The following GCNT2 variants were observed in gnomAD, a reference collection of about 807,000 sequenced individuals.
GCNT2 encodes glucosaminyl (N-acetyl) transferase 2 (I blood group).
A neutral mutation model predicts 34.2 loss-of-function variants in GCNT2; 34 were observed. That is an observed-to-expected ratio of 1.00 (90% CI 0.76 to 1.32). GCNT2 has a LOEUF of 1.32. Among genes scored for constraint, GCNT2 ranks in the 40% most tolerant of loss-of-function variants. The pLI, the probability that GCNT2 is intolerant of heterozygous loss-of-function variation, is 0.00. For missense variants in GCNT2, 584 were observed against 489.4 expected (o/e 1.19, Z -1.82); for synonymous variants, 212 against 188.0 (o/e 1.13, Z -1.04).
intron 3 of GCNT2, among the ~76,000 whole-genome samples, chr6:10,585,359 A>G (rs890788170): frequency 6.6e-6 from 1 of 151,910 alleles, no homozygotes; most frequent in Admixed American, 6.6e-5. Flanking sequence ...TTCATTTTTC[A>G]TTATCTGTGT....
rs747051358 is a variant in GCNT2, at chr6:10,556,819, T to C, written c.925+26983T>C. On this transcript the variant is annotated intron_variant, in intron 3 of 4. Transcript: ENST00000495262. ...TTCATGTGGATGAAAAAGCAACAAC[T>C]GAATTTAAAGATGCGGTAGAGCAAC... The C allele has an allele frequency of 3.1e-5, 50 of 1,614,086 alleles. No homozygotes were observed. Among genetic ancestry groups the C allele is most frequent in the Middle Eastern group, 1.6e-4 (1 of 6,084 alleles).
intron 3 of GCNT2, among the ~76,000 whole-genome samples, chr6:10,577,864 G>A (rs1763890574): frequency 2.0e-5 from 3 of 152,036 alleles, no homozygotes; most frequent in South Asian, 2.1e-4. Flanking sequence ...TAAAGCAAAC[G>A]CCAGGTCATT....
intron 3 of GCNT2, among the ~76,000 whole-genome samples, chr6:10,550,136 C>G (rs1762422551): frequency 6.6e-6 from 1 of 152,134 alleles, no homozygotes; most frequent in Non-Finnish European, 1.5e-5. Flanking sequence ...TCACTGAAAC[C>G]TCTGCTTCCC....
chr6:10,561,854 C>T lies in GCNT2; in HGVS notation c.925+32018C>T, dbSNP rs542415824. Among the ~76,000 whole-genome samples the T allele has an allele frequency of 2.0e-5, 3 of 151,544 alleles. No individual in the cohort carries two copies. The South Asian group carries it at 6.3e-4, about 32-fold the overall frequency. ...TCAGGGCCCTTTTGTCAAATTCTCTCAACCTCAGAAGGGATCACATGATCC... is the reference window on the plus strand; with the variant it reads ...TCAGGGCCCTTTTGTCAAATTCTCTTAACCTCAGAAGGGATCACATGATCC... On this transcript the variant is annotated intron_variant, in intron 3 of 4. Transcript: ENST00000495262.
intron 1 of GCNT2, among the ~76,000 whole-genome samples, chr6:10,526,748 A>G (rs1023122095): frequency 1.3e-5 from 2 of 152,160 alleles, no homozygotes; most frequent in African/African-American, 4.8e-5. Context: ...TCCTATAGGC[A>G]AGAGGTAAAT....
intron 3 of GCNT2, among the ~76,000 whole-genome samples, chr6:10,545,196 G>A (rs374261517): frequency 5.9e-5 from 9 of 151,664 alleles, no homozygotes; most frequent in African/African-American, 1.5e-4. Context: ...GCTCTTGCAC[G>A]GTGAGCTGAA....
intron 3 of GCNT2, among the ~76,000 whole-genome samples, chr6:10,603,983 C>CCA (rs1765201395): frequency 6.6e-6 from 1 of 151,926 alleles, no homozygotes; most frequent in Non-Finnish European, 1.5e-5. Context: ...GCAACCTCCG[C>CCA]CGCCCCGGTT....
chr6:10,555,295 G>C (rs991265683), intron 3 of GCNT2, among the ~76,000 whole-genome samples: 3 of 152,240 alleles, frequency 2.0e-5, no homozygotes, highest in East Asian at 1.9e-4. Flanking sequence ...TGGGAAAGTG[G>C]AAAGTTGAAG....
chr6:10,590,577 T>C (rs1231761722), intron 3 of GCNT2, among the ~76,000 whole-genome samples: 1 of 149,430 alleles, frequency 6.7e-6, no homozygotes, highest in East Asian at 2.0e-4. Flanking sequence ...TTTTTTGAGA[T>C]GGAGTCTTGC....
In GCNT2 at chr6:10,628,875, A is replaced by G. The variant is rs1398392067; in HGVS notation, c.*2268A>G. 2 of 152,252 alleles carry G rather than the reference A, an allele frequency of 1.3e-5. No individual in the cohort carries two copies. The highest frequency in any genetic ancestry group is 2.9e-5 in the Non-Finnish European group (2 of 68,076). 9.4% of individuals were successfully genotyped at this position (152,252 alleles called of 1,614,324 possible). A position where few individuals can be genotyped will look rare whatever the true frequency, so the allele number is the denominator to read the frequency against. On this transcript the variant is annotated 3_prime_UTR_variant, in exon 5 of 5. Coordinates refer to ENST00000495262, the MANE Select transcript of GCNT2 (RefSeq NM_145649.5). ...ATCTCTACTAAAAAATATAAAAATT[A>G]GCCGGGCTTTGTGGCATGTGCCTGT...
chr6:10,581,727 CA>C lies in GCNT2; in HGVS notation c.926-39621del, dbSNP rs55670903. The C allele has an allele frequency of 8.8e-4, 870 of 984,318 alleles. 21 individuals are homozygous for C. In the East Asian group the frequency reaches 0.062, roughly 70 times the overall value. 61.0% of individuals were successfully genotyped at this position (984,318 alleles called of 1,614,324 possible). On this transcript the variant is annotated intron_variant, in intron 3 of 4. Coordinates refer to ENST00000495262, the MANE Select transcript of GCNT2 (RefSeq NM_145649.5). ...CTTATTGTAGGATCAAGGCTTGAGG[CA>C]AAGAGAAGGGAAAAAACCGACTGAA... is the stretch of plus-strand genomic sequence containing the variant.
chr6:10,538,161 A>G (rs6911225), intron 3 of GCNT2, among the ~76,000 whole-genome samples: 80,398 of 151,494 alleles, frequency 0.53, 21,850 homozygotes, highest in South Asian at 0.71. Flanking sequence ...TAATCCTAGC[A>G]CTTTGGGCAG....
chr6:10,526,051 G>A (rs62397968), intron 1 of GCNT2, among the ~76,000 whole-genome samples: 7 of 152,188 alleles, frequency 4.6e-5, no homozygotes, highest in Non-Finnish European at 8.8e-5. Flanking sequence ...TATTTCATTT[G>A]ATATGGACAG....
At chr6:10,617,789 CTG>C (rs1765855670) in intron 3 of GCNT2, among the ~76,000 whole-genome samples, 1 of 122,236 alleles carries the variant, frequency 8.2e-6, no homozygotes, top group Non-Finnish European at 1.6e-5. Flanking sequence ...GGGTCTCACT[CTG>C]TTGCCCAGGC....
intron 3 of GCNT2, 132 bp downstream of exon 3, chr6:10,529,968 A>C: frequency 1.3e-6 from 1 of 755,580 alleles, no homozygotes; most frequent in Non-Finnish European, 2.2e-6. Context: ...TAAAAAAAAA[A>C]TTTCATCTGT....
chr6:10,534,144 T>TTTTTTTTTTTTTTTTTTTTTG (rs1761647663), intron 3 of GCNT2, among the ~76,000 whole-genome samples: 1 of 133,890 alleles, frequency 7.5e-6, no homozygotes, highest in Non-Finnish European at 1.7e-5. Flanking sequence ...TGCTGCTCTT[T>TTTTTTTTTTTTTTTTTTTTTG]TTTTTTTTTT....
chr6:10,528,790 C>G lies in GCNT2; in HGVS notation c.-122C>G. 1 of 805,508 alleles carries G rather than the reference C, an allele frequency of 1.2e-6. No individual in the cohort carries two copies. The highest frequency in any genetic ancestry group is 1.9e-5 in the Admixed American group (1 of 53,994). 49.9% of individuals were successfully genotyped at this position (805,508 alleles called of 1,614,324 possible). On this transcript the variant is annotated 5_prime_UTR_variant, in exon 3 of 5. Coordinates refer to ENST00000495262, the MANE Select transcript of GCNT2 (RefSeq NM_145649.5). ...CGTGAACTGAAGGGACAGGGAACAGCCAGACGAGAGCTTCAGCCATCACGA... is the reference window on the plus strand; with the variant it reads ...CGTGAACTGAAGGGACAGGGAACAGGCAGACGAGAGCTTCAGCCATCACGA...
intron 3 of GCNT2, among the ~76,000 whole-genome samples, chr6:10,536,045 C>G (rs1244861417): frequency 6.6e-6 from 1 of 151,904 alleles, no homozygotes; most frequent in African/African-American, 2.4e-5. Flanking sequence ...GTTAGTTCCT[C>G]TATATGTAAA....
intron 3 of GCNT2, among the ~76,000 whole-genome samples, chr6:10,545,029 A>C (rs1762210849): frequency 6.6e-6 from 1 of 152,230 alleles, no homozygotes; most frequent in African/African-American, 2.4e-5. Context: ...AATTTAATTT[A>C]ATCCTAATAT....
Sources: allele counts gnomAD v4.1 joint callset (sites outside exome capture counted in the v4.1 genomes callset), GRCh38; gene constraint gnomAD v4.1.1; transcripts MANE v1.5; gene names NCBI Gene and HGNC (gene_info 2026-07-23, HGNC 2026-07-21).